Variants in EPM2A observed in about 807,000 individuals in gnomAD.
EPM2A encodes laforin.
EPM2A carries 21 observed loss-of-function variants against 26.5 expected under a neutral mutation model. The ratio of observed to expected loss-of-function variants is 0.79; its 90% CI spans 0.56 to 1.14. The LOEUF is 1.14. EPM2A is among the 50% of genes most tolerant of loss of function. The probability of loss-of-function intolerance (pLI) is 0.00; values close to 1 mark genes in which losing one functional copy is unlikely to be tolerated. For missense variants in EPM2A, 458 were observed against 440.8 expected (o/e 1.04, Z -0.35); for synonymous variants, 217 against 177.6 (o/e 1.22, Z -1.76).
intron 4 of EPM2A, among the ~76,000 whole-genome samples, chr6:145,474,691 A>G (rs1779520240): frequency 1.3e-5 from 2 of 152,182 alleles, no homozygotes; most frequent in Admixed American, 6.5e-5. Flanking sequence ...CAACCTACAG[A>G]ATGGGAGAAA....
Position 145,625,734 on chromosome 6 carries a change from A to C in EPM2A, c.*1682T>G. 1.1e-6 allele frequency: 1 copy of C among 927,208 alleles called. No individual in the cohort carries two copies. Among genetic ancestry groups the C allele is most frequent in the Non-Finnish European group, 1.8e-6 (1 of 554,678 alleles). 57.4% of individuals were successfully genotyped at this position (927,208 alleles called of 1,614,324 possible). On this transcript the variant is annotated 3_prime_UTR_variant, in exon 4 of 4. Coordinates refer to ENST00000367519, the MANE Select transcript of EPM2A (RefSeq NM_005670.4). Reference sequence around the variant, plus strand: ...TGTCCTGGCTAGCTGCCTCTGCCCAAAGCAAATGTCATCTCCCCTAAGTGC... The same window carrying C: ...TGTCCTGGCTAGCTGCCTCTGCCCACAGCAAATGTCATCTCCCCTAAGTGC...
chr6:145,390,142 T>C (rs147825326), intron 4 of EPM2A, among the ~76,000 whole-genome samples: 1 of 152,216 alleles, frequency 6.6e-6, no homozygotes, highest in African/African-American at 2.4e-5. Flanking sequence ...GAACAACTGA[T>C]TGGACACCTA....
chr6:145,406,237 C>T lies in EPM2A; in HGVS notation c.556-22140G>A, dbSNP rs116396896. On this transcript the variant is annotated intron_variant, in intron 4 of 4. Transcript: ENST00000638717. Reference sequence around the variant, plus strand: ...AGTTTTGAAATGAACTAAAATCACTCATTTTCATCTTCCACAACAGGAAGG... The same window carrying T: ...AGTTTTGAAATGAACTAAAATCACTTATTTTCATCTTCCACAACAGGAAGG... Among the ~76,000 whole-genome samples, 164 of 152,246 alleles carry T rather than the reference C, an allele frequency of 1.1e-3. 1 individual carries two copies. Among genetic ancestry groups the T allele is most frequent in the African/African-American group, 3.8e-3 (158 of 41,560 alleles).
At chr6:145,555,573 A>G (rs1314230220) in intron 2 of EPM2A, among the ~76,000 whole-genome samples, 2 of 152,128 alleles carry the variant, frequency 1.3e-5, no homozygotes, top group East Asian at 3.9e-4. Context: ...AATTGAAAGT[A>G]AATAGGGAAA....
intron 1 of EPM2A, among the ~76,000 whole-genome samples, chr6:145,718,224 C>G (rs370661244): frequency 1.3e-5 from 2 of 151,242 alleles, no homozygotes; most frequent in African/African-American, 4.9e-5. Flanking sequence ...AACTATACTA[C>G]AAGGCTACAG....
chr6:145,589,621 T>C (rs1208762172), intron 2 of EPM2A, among the ~76,000 whole-genome samples: 1 of 151,896 alleles, frequency 6.6e-6, no homozygotes, highest in Non-Finnish European at 1.5e-5. Flanking sequence ...AGGGTCTGAG[T>C]TTTACCAATT....
chr6:145,731,959 A>C (rs143466411), intron 1 of EPM2A, among the ~76,000 whole-genome samples: 1 of 152,274 alleles, frequency 6.6e-6, no homozygotes, highest in African/African-American at 2.4e-5. Flanking sequence ...AAGTCTTCAA[A>C]GGAAAAATTA....
intron 2 of EPM2A, among the ~76,000 whole-genome samples, chr6:145,562,767 G>T (rs1780826340): frequency 6.6e-6 from 1 of 152,076 alleles, no homozygotes; most frequent in Non-Finnish European, 1.5e-5. Flanking sequence ...TCCATGGAAA[G>T]GCTGAGTGCT....
At chr6:145,482,735 A>C (rs1779625398) in intron 4 of EPM2A, among the ~76,000 whole-genome samples, 1 of 151,872 alleles carries the variant, frequency 6.6e-6, no homozygotes, top group African/African-American at 2.4e-5. Flanking sequence ...ACGAGAACCC[A>C]TTTTGCTTTA....
At chr6:145,726,750 T>C (rs137935223) in intron 1 of EPM2A, among the ~76,000 whole-genome samples, 5 of 152,292 alleles carry the variant, frequency 3.3e-5, no homozygotes, top group South Asian at 2.1e-4. Flanking sequence ...TTTAAGGTCA[T>C]TGCAGAAATA....
chr6:145,446,377 CATCAG>C (rs1779129294), intron 4 of EPM2A, among the ~76,000 whole-genome samples: 1 of 152,098 alleles, frequency 6.6e-6, no homozygotes. Flanking sequence ...ATAACTAGAT[CATCAG>C]TGGGCCTGTT....
chr6:145,438,787 A>T (rs574403500), intron 4 of EPM2A, among the ~76,000 whole-genome samples: 1 of 152,220 alleles, frequency 6.6e-6, no homozygotes, highest in East Asian at 1.9e-4. Flanking sequence ...TAATCTTTTT[A>T]AAACTATTTT....
intron 1 of EPM2A, among the ~76,000 whole-genome samples, chr6:145,692,184 T>C (rs1306874931): frequency 5.9e-5 from 9 of 152,162 alleles, no homozygotes; most frequent in South Asian, 4.1e-4. Flanking sequence ...ACTTTAACTG[T>C]GTATATATCA....
At chr6:145,400,851 G>A (rs1272756123) in intron 4 of EPM2A, among the ~76,000 whole-genome samples, 1 of 151,766 alleles carries the variant, frequency 6.6e-6, no homozygotes. Flanking sequence ...GGTTTCATCC[G>A]GGGCTCTGCT....
At chr6:145,645,891 C>G (rs772430225) in intron 2 of EPM2A, among the ~76,000 whole-genome samples, 1 of 152,112 alleles carries the variant, frequency 6.6e-6, no homozygotes, top group Non-Finnish European at 1.5e-5. Context: ...GCCACTGTGC[C>G]CGGCCCTGGC....
chr6:145,494,254 T>C (rs1779790630), intron 4 of EPM2A, among the ~76,000 whole-genome samples: 1 of 152,246 alleles, frequency 6.6e-6, no homozygotes, highest in South Asian at 2.1e-4. Context: ...CTTCTACAGT[T>C]TCCAGTTTAT....
downstream of EPM2A, among the ~76,000 whole-genome samples, chr6:145,625,086 ACT>A (rs1211611468): frequency 6.6e-6 from 1 of 150,968 alleles, no homozygotes; most frequent in Non-Finnish European, 1.5e-5. Flanking sequence ...TCTCAGACAC[ACT>A]CTAAGTTTTC....
intron 1 of EPM2A, among the ~76,000 whole-genome samples, chr6:145,709,390 G>A (rs1782411380): frequency 6.6e-6 from 1 of 152,148 alleles, no homozygotes; most frequent in African/African-American, 2.4e-5. Context: ...TCATGGGGGA[G>A]GGCTTCTCTC....
At chr6:145,641,835 G>C (rs902027423) in intron 2 of EPM2A, among the ~76,000 whole-genome samples, 4 of 152,050 alleles carry the variant, frequency 2.6e-5, no homozygotes, top group Non-Finnish European at 4.4e-5. Flanking sequence ...ACTGAAATAC[G>C]TGGGCCCCTT....
Sources: gnomAD v4.1 joint callset for allele counts (sites outside exome capture counted in the v4.1 genomes callset) on GRCh38, gnomAD v4.1.1 for gene constraint, MANE v1.5 for transcripts, NCBI Gene and HGNC (gene_info 2026-07-23, HGNC 2026-07-21) for gene names.